The following MAF variants were observed in gnomAD, a reference collection of about 807,000 sequenced individuals.
The protein encoded by MAF is transcription factor Maf.
Under a neutral mutation model 22.0 loss-of-function variants are expected in MAF, and 10 were observed. The ratio of observed to expected loss-of-function variants is 0.45; its 90% CI spans 0.28 to 0.77. The LOEUF (loss-of-function observed/expected upper bound fraction) is 0.77, where lower values mean the gene tolerates loss of function less well. MAF is among the 30% of genes least tolerant of loss of function. The pLI is 0.12. For synonymous variants in MAF, 337 were observed against 255.8 expected, an observed-to-expected ratio of 1.32 and a Z score of -3.03; for missense variants, 544 against 548.4, an observed-to-expected ratio of 0.99 and a Z score of 0.08.
the MAF span, among the ~76,000 whole-genome samples, chr16:79,399,124 G>A: frequency 6.6e-6 from 1 of 152,152 alleles, no homozygotes; most frequent in African/African-American, 2.4e-5. Flanking sequence ...CGTGGGCGTT[G>A]GAATGGACAG....
the MAF span, among the ~76,000 whole-genome samples, chr16:79,475,670 G>A: frequency 4.9e-4 from 74 of 152,196 alleles, no homozygotes; most frequent in South Asian, 0.01. Context: ...TGTCAAAATT[G>A]GGCAGCTAAG....
At chr16:79,540,691 T>C in the MAF span, among the ~76,000 whole-genome samples, 1 of 152,186 alleles carries the variant, frequency 6.6e-6, no homozygotes, top group Non-Finnish European at 1.5e-5. Flanking sequence ...TCTAATGAGG[T>C]TGACAATGTA....
At chr16:79,345,594 G>C in the MAF span, among the ~76,000 whole-genome samples, 2 of 151,810 alleles carry the variant, frequency 1.3e-5, no homozygotes, top group East Asian at 1.9e-4. Flanking sequence ...CAGGCATGGT[G>C]GTGGGCACCT....
chr16:79,580,523 G>A, the MAF span, among the ~76,000 whole-genome samples: 4 of 152,308 alleles, frequency 2.6e-5, no homozygotes, highest in Non-Finnish European at 5.9e-5. Context: ...AAGATGCAGA[G>A]ACAGTACCTC....
At chr16:79,379,217 A>C in the MAF span, among the ~76,000 whole-genome samples, 26 of 152,276 alleles carry the variant, frequency 1.7e-4, no homozygotes, top group East Asian at 5.0e-3. Flanking sequence ...GTCAACCCTA[A>C]TAGATTGGTT....
chr16:79,213,067 T>C, the MAF span, among the ~76,000 whole-genome samples: 1 of 152,218 alleles, frequency 6.6e-6, no homozygotes, highest in African/African-American at 2.4e-5. Context: ...GAATGGGAGC[T>C]GTGCAGAAGC....
chr16:79,436,479 T>C, the MAF span, among the ~76,000 whole-genome samples: 2 of 152,228 alleles, frequency 1.3e-5, no homozygotes, highest in Admixed American at 6.5e-5. Context: ...CAAATAACAC[T>C]GCCGATGACC....
At chr16:79,577,303 T>C in the MAF span, among the ~76,000 whole-genome samples, 1 of 152,224 alleles carries the variant, frequency 6.6e-6, no homozygotes, top group East Asian at 1.9e-4. Flanking sequence ...CTACTACATG[T>C]GCTGAGGTGA....
the MAF span, among the ~76,000 whole-genome samples, chr16:79,526,640 C>A: frequency 6.6e-6 from 1 of 151,838 alleles, no homozygotes. Flanking sequence ...ACAGGCTTTC[C>A]GGGGCAAAAA....
At chr16:79,364,054 C>A in the MAF span, among the ~76,000 whole-genome samples, 10 of 152,246 alleles carry the variant, frequency 6.6e-5, no homozygotes, top group East Asian at 1.7e-3. Flanking sequence ...CACCCAGGAG[C>A]TGCTACTTTA....
At chr16:79,547,683 T>G in the MAF span, among the ~76,000 whole-genome samples, 1 of 152,204 alleles carries the variant, frequency 6.6e-6, no homozygotes, top group African/African-American at 2.4e-5. Context: ...TAGGTCTACC[T>G]TGGATCTGAA....
chr16:79,255,529 A>G, the MAF span, among the ~76,000 whole-genome samples: 1 of 152,196 alleles, frequency 6.6e-6, no homozygotes, highest in Non-Finnish European at 1.5e-5. Context: ...ACCTCACAAC[A>G]ATAACACATT....
the MAF span, among the ~76,000 whole-genome samples, chr16:79,385,833 G>C: frequency 5.3e-5 from 8 of 152,206 alleles, no homozygotes; most frequent in South Asian, 2.1e-4. Context: ...CCTGTGTCCA[G>C]AGGTTGGAGG....
At chr16:79,537,541 CT>C in the MAF span, among the ~76,000 whole-genome samples, 1 of 152,192 alleles carries the variant, frequency 6.6e-6, no homozygotes, top group Non-Finnish European at 1.5e-5. Context: ...GCCTATGTTC[CT>C]GACCGAACCT....
At chr16:79,430,452 G>C in the MAF span, among the ~76,000 whole-genome samples, 5 of 152,206 alleles carry the variant, frequency 3.3e-5, no homozygotes, top group African/African-American at 7.2e-5. Context: ...CCCTGATTTA[G>C]GCTGTCACTC....
chr16:79,276,857 G>C, the MAF span, among the ~76,000 whole-genome samples: 1 of 152,082 alleles, frequency 6.6e-6, no homozygotes, highest in African/African-American at 2.4e-5. Context: ...GTGTCGGCAG[G>C]GCTGCGCTTC....
the MAF span, among the ~76,000 whole-genome samples, chr16:79,329,459 T>C: frequency 3.3e-5 from 5 of 152,172 alleles, no homozygotes; most frequent in South Asian, 6.2e-4. Context: ...GGGTCCGTGG[T>C]GGAATTCACA....
At chr16:79,227,307 T>C in the MAF span, among the ~76,000 whole-genome samples, 1 of 152,082 alleles carries the variant, frequency 6.6e-6, no homozygotes, top group African/African-American at 2.4e-5. Context: ...GCCTTGATTG[T>C]GCCACTGCAC....
At chr16:79,592,927 C>G (rs555693954), downstream of MAF, among the ~76,000 whole-genome samples, 15 of 152,218 alleles carry the variant, frequency 9.9e-5, no homozygotes, top group African/African-American at 3.1e-4. Flanking sequence ...CTTCCTATTC[C>G]CTCTTAGTGA....
Sources: allele counts gnomAD v4.1 joint callset (sites outside exome capture counted in the v4.1 genomes callset), GRCh38; gene constraint gnomAD v4.1.1; transcripts MANE v1.5; gene names NCBI Gene and HGNC (gene_info 2026-07-23, HGNC 2026-07-21).